LEO1: variants seen among roughly 807,000 people sequenced by gnomAD.
LEO1 encodes the protein RNA polymerase-associated protein LEO1.
In LEO1, 34 loss-of-function variants were observed where a neutral mutation model predicts 80.4. The ratio of observed to expected loss-of-function variants is 0.42; its 90% CI spans 0.32 to 0.56. LEO1 has a LOEUF of 0.56. LEO1 is among the 20% of genes least tolerant of loss of function. LEO1 has a pLI of 0.10. For synonymous variants in LEO1, 262 were observed against 274.9 expected (o/e 0.95, Z 0.46); for missense variants, 631 against 814.2 (o/e 0.77, Z 2.74).
At chr15:51,970,699 G>A (rs1425017707) in intron 1 of LEO1, among the ~76,000 whole-genome samples, 2 of 152,304 alleles carry the variant, frequency 1.3e-5, no homozygotes, top group South Asian at 2.1e-4. Context: ...AGGAGTAAGT[G>A]CTTTATGAAC....
In LEO1 at chr15:51,958,763, A is replaced by C; in HGVS notation, c.1224T>G (p.Gly408=). Residue 408 remains glycine (G), a synonymous_variant, in exon 6 of 12, where the codon GGT becomes GGG. Coordinates refer to ENST00000299601, the MANE Select transcript of LEO1 (RefSeq NM_138792.4). The part of the protein sequence containing the change: ...FEDEEMLDEE[G]RTRLKLKVEN... ...GTACCTTTAATTTTAACCTGGTTCT[A>C]CCTTCTTCATCCAGCATTTCTTCAT... is the stretch of plus-strand genomic sequence containing the variant. 6.3e-7 allele frequency: 1 copy of C among 1,595,974 alleles called. No homozygotes were observed. Among genetic ancestry groups the C allele is most frequent in the Non-Finnish European group, 8.6e-7 (1 of 1,168,662 alleles).
At position 51,966,159 on chromosome 15, in the gene LEO1, G is replaced by T; in HGVS notation, c.404C>A (p.Ser135Tyr). ...TTCATCATCTGAATGTGCTTTTTCA[G>T]AACCTTCTGCTTCTGAATGATGGCT... ...GGSHHSEAEG[S>Y]EKAHSDDEKW... The change falls in exon 2 of 12, where the codon TCT becomes TAT. Residue 135 changes from serine to tyrosine, a missense_variant. Ser to Tyr is a moderately radical substitution (Grantham distance 144). Transcript: ENST00000299601. The T allele has an allele frequency of 6.2e-7, 1 of 1,613,812 alleles. No individual in the cohort carries two copies. Among genetic ancestry groups the T allele is most frequent in the South Asian group, 1.1e-5 (1 of 91,072 alleles).
chr15:51,959,260 T>C (rs1041181545), intron 5 of LEO1, among the ~76,000 whole-genome samples: 6 of 152,194 alleles, frequency 3.9e-5, no homozygotes, highest in Middle Eastern at 3.2e-3. Context: ...CTCCTCGGCC[T>C]CCCAAAGTGC....
chr15:51,953,103 T>C (rs202007588), intron 8 of LEO1, 26 bp downstream of exon 8: 1,293 of 1,588,450 alleles, frequency 8.1e-4, no homozygotes, highest in Non-Finnish European at 1.1e-3. Flanking sequence ...CCATAAGAAA[T>C]AATACATAAT....
chr15:51,949,048 A>T (rs1470813886), intron 10 of LEO1, among the ~76,000 whole-genome samples: 3 of 152,210 alleles, frequency 2.0e-5, no homozygotes, highest in Non-Finnish European at 4.4e-5. Context: ...TGTTATGAGG[A>T]TCAAACAGGA....
chr15:51,948,597 A>G (rs1435247169), intron 10 of LEO1, among the ~76,000 whole-genome samples: 1 of 152,232 alleles, frequency 6.6e-6, no homozygotes, highest in Non-Finnish European at 1.5e-5. Context: ...TACTTGTTAT[A>G]TGCCAGGCTC....
chr15:51,962,531 G>T (rs774735796), intron 2 of LEO1, 38 bp from the exon 3 acceptor site: 2 of 1,412,546 alleles, frequency 1.4e-6, no homozygotes, highest in African/African-American at 1.4e-5. Context: ...ATAATCAGTC[G>T]CATTAGTTGA....
chr15:51,941,111 G>C (rs994729471), intron 11 of LEO1, among the ~76,000 whole-genome samples: 7 of 151,884 alleles, frequency 4.6e-5, no homozygotes, highest in Non-Finnish European at 8.8e-5. Context: ...AAATAAGCAA[G>C]CCAGCCAGCC....
intron 8 of LEO1, 79 bp from the exon 9 acceptor site, chr15:51,952,058 A>G: frequency 7.7e-7 from 1 of 1,306,268 alleles, no homozygotes; most frequent in Non-Finnish European, 1.1e-6. Flanking sequence ...TCACAGAAGT[A>G]AGAGCCCAGT....
At chr15:51,942,920 TCAAAAAAAAAAAAAAAAC>T (rs1316767716) in intron 11 of LEO1, among the ~76,000 whole-genome samples, 4 of 109,520 alleles carry the variant, frequency 3.7e-5, no homozygotes, top group Admixed American at 1.1e-4. Flanking sequence ...AGACTTTGTC[TCAAAAAAAAAAAAAAAAC>T]CAAAAAAAAA....
Position 51,951,924 on chromosome 15 carries a change from T to C in LEO1, c.1531A>G (p.Arg511Gly). The change falls in exon 9 of 12, where the codon AGG becomes GGG. Residue 511 changes from arginine to glycine, a missense_variant. Arg to Gly is a moderately radical substitution (Grantham distance 125, BLOSUM62 -2). Around this residue, in one of 4 missense-constraint regions of LEO1, gnomAD observed 25 missense variants for 83.5 expected, o/e 0.30. Coordinates refer to ENST00000299601, the MANE Select transcript of LEO1 (RefSeq NM_138792.4). ...HRKMTLSLAD[R>G]CSKTQKIRIL... The stretch of plus-strand genomic sequence containing the variant: ...CTAATCTTCTGTGTCTTTGAACACC[T>C]ATCTGCAAGTGACAGAGTCATCTTT... 1 of 1,613,578 alleles carries C rather than the reference T, an allele frequency of 6.2e-7. No individual in the cohort carries two copies. The highest frequency in any genetic ancestry group is 8.5e-7 in the Non-Finnish European group (1 of 1,179,454).
intron 6 of LEO1, among the ~76,000 whole-genome samples, chr15:51,958,308 G>A (rs2057005032): frequency 6.6e-6 from 1 of 151,184 alleles, no homozygotes; most frequent in Admixed American, 6.6e-5. Flanking sequence ...AAAAAAAAAG[G>A]CTGGGCATGG....
At chr15:51,945,369 CT>C (rs1566880149) in intron 11 of LEO1, among the ~76,000 whole-genome samples, 1 of 151,646 alleles carries the variant, frequency 6.6e-6, no homozygotes, top group Non-Finnish European at 1.5e-5. Context: ...GCTTCAGCCT[CT>C]GTGCTTTCTT....
intron 3 of LEO1, among the ~76,000 whole-genome samples, chr15:51,962,164 TAA>T (rs11407897): frequency 9.7e-5 from 13 of 133,756 alleles, no homozygotes; most frequent in Admixed American, 7.5e-5. Context: ...CTCTGTCTCT[TAA>T]AAAAAAAAAA....
At chr15:51,962,565 T>C in intron 2 of LEO1, 72 bp from the exon 3 acceptor site, 1 of 1,024,610 alleles carries the variant, frequency 9.8e-7, no homozygotes, top group East Asian at 2.5e-5. Context: ...AAAGCAATAT[T>C]GGAGATAAAC....
rs1184625573 is a variant in LEO1, at chr15:51,960,744, G to A, written c.920-11C>T. On this transcript the variant is annotated splice_polypyrimidine_tract_variant and intron_variant, in intron 3 of 11. Coordinates refer to ENST00000299601, the MANE Select transcript of LEO1 (RefSeq NM_138792.4). ...TGGTTCCACTATTATCTTCAATGCA[G>A]AAGGAAAAAGGCATTAGTGTTACTA... is the stretch of plus-strand genomic sequence containing the variant. 2 of 1,472,640 alleles carry A rather than the reference G, an allele frequency of 1.4e-6. No homozygotes were observed. The highest frequency in any genetic ancestry group is 1.7e-5 in the Admixed American group (1 of 59,360). The allele number at this position is 1,472,640 out of a possible 1,614,324, so 91.2% of individuals were successfully genotyped here. A position where few individuals can be genotyped will look rare whatever the true frequency, so the allele number is the denominator to read the frequency against.
In LEO1 at chr15:51,966,280, C is replaced by A. The variant is rs867324818; in HGVS notation, c.283G>T (p.Asp95Tyr). 11 of 1,614,054 alleles carry A rather than the reference C, an allele frequency of 6.8e-6. No individual in the cohort carries two copies. In the African/African-American group the frequency reaches 9.3e-5, roughly 14 times the overall value. ...TCTGAGGGGTCATTGTCCTCATGGTCAGAACGCTCAGAAGCTTCTGATCTA... is the reference window on the plus strand; with the variant it reads ...TCTGAGGGGTCATTGTCCTCATGGTAAGAACGCTCAGAAGCTTCTGATCTA... ...DNRSEASERS[D>Y]HEDNDPSDVD... The change falls in exon 2 of 12, where the codon GAC becomes TAC. Residue 95 changes from aspartate (D) to tyrosine (Y), a missense_variant. Asp to Tyr is a radical substitution (Grantham distance 160). Around this residue, in one of 4 missense-constraint regions of LEO1, gnomAD observed 394 missense variants for 395.6 expected, o/e 1.00. Transcript: ENST00000299601.
At chr15:51,953,034 T>C (rs1257251497) in intron 8 of LEO1, 95 bp downstream of exon 8, 2 of 973,670 alleles carry the variant, frequency 2.1e-6, no homozygotes, top group East Asian at 5.0e-5. Flanking sequence ...AATCATACCG[T>C]GGGGTTACAT....
Position 51,954,592 on chromosome 15 carries a change from G to C in LEO1, c.1246-17C>G, listed in dbSNP as rs374229136. 1.3e-6 allele frequency: 2 copies of C among 1,523,914 alleles called. No homozygotes were observed. The highest frequency in any genetic ancestry group is 2.7e-5 in the African/African-American group (2 of 73,042). The allele number at this position is 1,523,914 out of a possible 1,614,324, so 94.4% of individuals were successfully genotyped here. A position where few individuals can be genotyped will look rare whatever the true frequency, so the allele number is the denominator to read the frequency against. ...ATTTTCTACCTGTTTCACAACACAA[G>C]TACTTTAGAAAATTATAGTTTAAAT... On this transcript the variant is annotated splice_polypyrimidine_tract_variant and intron_variant, in intron 6 of 11. Coordinates refer to ENST00000299601, the MANE Select transcript of LEO1 (RefSeq NM_138792.4).
Sources: allele counts gnomAD v4.1 joint callset (sites outside exome capture counted in the v4.1 genomes callset), GRCh38; gene constraint gnomAD v4.1.1; regional missense constraint gnomAD v4.1.1; transcripts MANE v1.5; gene names NCBI Gene and HGNC (gene_info 2026-07-23, HGNC 2026-07-21).